Variants in CSMD1 observed in about 807,000 individuals in gnomAD.
The protein encoded by CSMD1 is CUB and sushi domain-containing protein 1.
CSMD1 carries 213 observed loss-of-function variants against 417.5 expected under a neutral mutation model. The ratio of observed to expected loss-of-function variants is 0.51; its 90% CI spans 0.46 to 0.57. CSMD1 has a LOEUF of 0.57. CSMD1 is among the 20% of genes least tolerant of loss of function. The pLI is 0.00. For missense variants in CSMD1, 6,923 were observed against 4,529.7 expected (o/e 1.53, Z -15.17); for synonymous variants, 2,862 against 1,736.8 (o/e 1.65, Z -16.11).
intron 29 of CSMD1, among the ~76,000 whole-genome samples, chr8:3,215,417 A>C (rs773821283): frequency 2.6e-5 from 4 of 152,230 alleles, no homozygotes; most frequent in Admixed American, 6.5e-5. Context: ...ATTATGTACC[A>C]GACATGGAAC....
chr8:3,008,665 C>G (rs1293424073), intron 52 of CSMD1, among the ~76,000 whole-genome samples: 1 of 152,172 alleles, frequency 6.6e-6, no homozygotes, highest in African/African-American at 2.4e-5. Flanking sequence ...GAAAGCGGTT[C>G]TACAAAGCTG....
chr8:3,788,004 A>G (rs181271962), intron 5 of CSMD1, among the ~76,000 whole-genome samples: 12 of 152,314 alleles, frequency 7.9e-5, no homozygotes, highest in African/African-American at 2.9e-4. Context: ...TTAGACCAAG[A>G]GTAAAAAAGA....
intron 7 of CSMD1, among the ~76,000 whole-genome samples, chr8:3,681,013 A>C (rs1799632634): frequency 6.6e-6 from 1 of 152,206 alleles, no homozygotes; most frequent in Admixed American, 6.5e-5. Context: ...AACTCTCAAT[A>C]AATTAGGTAT....
At chr8:4,331,721 A>G (rs1256724770) in intron 3 of CSMD1, among the ~76,000 whole-genome samples, 1 of 152,174 alleles carries the variant, frequency 6.6e-6, no homozygotes, top group Non-Finnish European at 1.5e-5. Context: ...TAAAGGCTTC[A>G]CAATGACCTT....
intron 2 of CSMD1, among the ~76,000 whole-genome samples, chr8:4,469,984 C>T (rs1253409596): frequency 6.6e-6 from 1 of 151,928 alleles, no homozygotes; most frequent in Non-Finnish European, 1.5e-5. Flanking sequence ...CATCCTGCCT[C>T]AGCCTCCCGA....
At chr8:4,123,348 G>C (rs1283336717) in intron 3 of CSMD1, among the ~76,000 whole-genome samples, 1 of 152,176 alleles carries the variant, frequency 6.6e-6, no homozygotes, top group Non-Finnish European at 1.5e-5. Context: ...GGCTCAGTGG[G>C]AGCCTCACCC....
chr8:3,110,843 A>T (rs1247260418), intron 42 of CSMD1, among the ~76,000 whole-genome samples: 1 of 152,214 alleles, frequency 6.6e-6, no homozygotes, highest in Non-Finnish European at 1.5e-5. Flanking sequence ...GCAATGTAAG[A>T]TTATGTAAGT....
At chr8:4,623,900 T>C (rs1473442076) in intron 2 of CSMD1, among the ~76,000 whole-genome samples, 1 of 152,080 alleles carries the variant, frequency 6.6e-6, no homozygotes, top group Non-Finnish European at 1.5e-5. Flanking sequence ...GATAGAAATA[T>C]TCGTTAGCTT....
chr8:3,247,587 C>T (rs1404634669), intron 26 of CSMD1, among the ~76,000 whole-genome samples: 1 of 152,158 alleles, frequency 6.6e-6, no homozygotes, highest in African/African-American at 2.4e-5. Context: ...CCAGGACATT[C>T]TCCCTTCCCT....
intron 5 of CSMD1, among the ~76,000 whole-genome samples, chr8:3,837,054 T>C (rs992639739): frequency 1.3e-5 from 2 of 151,912 alleles, no homozygotes; most frequent in African/African-American, 4.8e-5. Flanking sequence ...TTGATGCCCA[T>C]GGGTGATTTT....
intron 4 of CSMD1, among the ~76,000 whole-genome samples, chr8:4,017,989 T>G (rs1796604946): frequency 6.6e-6 from 1 of 152,166 alleles, no homozygotes; most frequent in Admixed American, 6.5e-5. Context: ...TGCATTTTGA[T>G]TAATTGCTTC....
chr8:4,993,231 C>A (rs1811569466), intron 1 of CSMD1, among the ~76,000 whole-genome samples: 2 of 152,062 alleles, frequency 1.3e-5, no homozygotes, highest in South Asian at 4.2e-4. Context: ...GGACTCCAAC[C>A]TTTAAAAATG....
chr8:4,696,502 G>T (rs1248789220), intron 1 of CSMD1, among the ~76,000 whole-genome samples: 1 of 152,126 alleles, frequency 6.6e-6, no homozygotes, highest in Non-Finnish European at 1.5e-5. Flanking sequence ...GATCTGTAGA[G>T]GAAAACAGGT....
At chr8:4,882,053 C>G (rs1803438224) in intron 1 of CSMD1, among the ~76,000 whole-genome samples, 1 of 152,044 alleles carries the variant, frequency 6.6e-6, no homozygotes, top group South Asian at 2.1e-4. Context: ...CACTGAATTT[C>G]TGTTTTCTTA....
intron 17 of CSMD1, among the ~76,000 whole-genome samples, chr8:3,391,647 A>T (rs568419943): frequency 6.6e-5 from 10 of 152,294 alleles, no homozygotes; most frequent in African/African-American, 2.4e-4. Context: ...CCTCAAAAAA[A>T]TGACTTCAAC....
At chr8:3,812,426 T>G (rs1219547518) in intron 5 of CSMD1, among the ~76,000 whole-genome samples, 1 of 152,112 alleles carries the variant, frequency 6.6e-6, no homozygotes, top group Non-Finnish European at 1.5e-5. Context: ...AGATATTAAT[T>G]AAAGTGCTCA....
rs761799375 is a variant in CSMD1, at chr8:3,574,926, G to A, written c.1344+19C>T. 130 of 1,610,968 alleles carry A rather than the reference G, an allele frequency of 8.1e-5. 1 individual carries two copies. Among genetic ancestry groups the A allele is most frequent in the South Asian group, 7.0e-4 (64 of 90,878 alleles). ...AGTGCTGTGTGCATTAACCACAGGG[G>A]TTGGAGGCGGAGCCTTACCTTGTCC... On this transcript the variant is annotated intron_variant, in intron 10 of 69. Coordinates refer to ENST00000635120, the MANE Select transcript of CSMD1 (RefSeq NM_033225.6).
intron 5 of CSMD1, among the ~76,000 whole-genome samples, chr8:3,974,109 T>C (rs79398877): frequency 0.012 from 1,860 of 152,268 alleles, 34 homozygotes; most frequent in African/African-American, 0.042. Context: ...TAATTACTTT[T>C]TGTACCCACA....
intron 3 of CSMD1, among the ~76,000 whole-genome samples, chr8:4,190,061 A>G (rs566954446): frequency 5.9e-5 from 9 of 151,976 alleles, no homozygotes; most frequent in African/African-American, 2.2e-4. Context: ...GATCGAGACC[A>G]TCCTGGCTAA....
Sources: gnomAD v4.1 joint callset for allele counts (sites outside exome capture counted in the v4.1 genomes callset) on GRCh38, gnomAD v4.1.1 for gene constraint, MANE v1.5 for transcripts, NCBI Gene and HGNC (gene_info 2026-07-23, HGNC 2026-07-21) for gene names.